Variants in FBXL2 observed in about 807,000 individuals in gnomAD.
The protein encoded by FBXL2 is F-box and leucine rich repeat protein 2.
FBXL2 carries 38 observed loss-of-function variants against 69.2 expected under a neutral mutation model. The observed-to-expected ratio is 0.55, with a 90% CI of 0.42 to 0.72. FBXL2 has a LOEUF of 0.72. Ranked by LOEUF, FBXL2 falls within the 30% of genes least tolerant of loss-of-function variation. FBXL2 has a pLI of 0.00. For synonymous variants in FBXL2, 192 were observed against 201.3 expected, an observed-to-expected ratio of 0.95 and a Z score of 0.39; for missense variants, 354 against 520.3, an observed-to-expected ratio of 0.68 and a Z score of 3.11.
At chr3:33,373,458 C>T in intron 7 of FBXL2, 103 bp downstream of exon 7, 1 of 1,529,290 alleles carries the variant, frequency 6.5e-7, no homozygotes, top group Non-Finnish European at 9.0e-7. Context: ...ATAGGTGACT[C>T]CAAGAGGTCC....
intron 2 of FBXL2, among the ~76,000 whole-genome samples, chr3:33,307,700 A>T (rs2036842882): frequency 6.6e-6 from 1 of 152,010 alleles, no homozygotes; most frequent in South Asian, 2.1e-4. Context: ...AGATATATAT[A>T]TAATATATTA....
chr3:33,413,426 A>T, the FBXL2 span, among the ~76,000 whole-genome samples: 1 of 151,840 alleles, frequency 6.6e-6, no homozygotes, highest in Admixed American at 6.6e-5. Context: ...GGGCGCCTGT[A>T]GTACCAGCTA....
At chr3:33,311,082 C>T (rs2037152306) in intron 2 of FBXL2, among the ~76,000 whole-genome samples, 2 of 152,134 alleles carry the variant, frequency 1.3e-5, no homozygotes, top group Non-Finnish European at 2.9e-5. Context: ...CAGCCAAATT[C>T]TATATTTTGA....
intron 1 of FBXL2, among the ~76,000 whole-genome samples, chr3:33,286,657 A>G (rs1346271968): frequency 6.6e-6 from 1 of 152,220 alleles, no homozygotes; most frequent in Non-Finnish European, 1.5e-5. Context: ...AGAGGCGGGC[A>G]GGCCTCCTTG....
In FBXL2 at chr3:33,283,669, G is replaced by C. The variant is rs552257730; in HGVS notation, c.3+6154G>C. Among the ~76,000 whole-genome samples the C allele has an allele frequency of 7.2e-5, 11 of 152,222 alleles. No individual in the cohort carries two copies. The South Asian group carries it at 2.1e-3, about 29-fold the overall frequency. On this transcript the variant is annotated intron_variant, in intron 1 of 14. Transcript: ENST00000484457. ...TCTGGAAGAATTTGGCTGTGAATCT[G>C]TCTGGTCCTGGACTTTTTTTGGTTG...
At chr3:33,399,582 A>G (rs1426551847) in intron 12 of FBXL2, among the ~76,000 whole-genome samples, 1 of 152,240 alleles carries the variant, frequency 6.6e-6, no homozygotes, top group Non-Finnish European at 1.5e-5. Flanking sequence ...TTGCATTTAT[A>G]TAACATTCTC....
chr3:33,357,691 G>A (rs893534998), intron 2 of FBXL2, among the ~76,000 whole-genome samples: 3 of 151,930 alleles, frequency 2.0e-5, no homozygotes, highest in South Asian at 2.1e-4. Flanking sequence ...CACCTCGCCC[G>A]GCTAATTTTT....
chr3:33,287,314 C>T (rs934147045), intron 1 of FBXL2, among the ~76,000 whole-genome samples: 1 of 152,036 alleles, frequency 6.6e-6, no homozygotes, highest in Non-Finnish European at 1.5e-5. Flanking sequence ...ATTCATCTCC[C>T]TTTTGTCTGT....
At chr3:33,378,609 C>A (rs192775325) in intron 12 of FBXL2, 76 bp from the exon 13 acceptor site, 1 of 1,415,658 alleles carries the variant, frequency 7.1e-7, no homozygotes, top group Non-Finnish European at 9.7e-7. Context: ...TTTTGATTCT[C>A]GTGTTCAGGA....
chr3:33,334,905 A>G (rs1327055109), intron 2 of FBXL2, among the ~76,000 whole-genome samples: 1 of 151,832 alleles, frequency 6.6e-6, no homozygotes, highest in Non-Finnish European at 1.5e-5. Context: ...GCATAGTGAA[A>G]CCCCATCTGT....
At chr3:33,410,563 T>C in the FBXL2 span, among the ~76,000 whole-genome samples, 1 of 152,216 alleles carries the variant, frequency 6.6e-6, no homozygotes, top group Non-Finnish European at 1.5e-5. Flanking sequence ...AAAGCATAGC[T>C]TATGAAGGCT....
intron 10 of FBXL2, among the ~76,000 whole-genome samples, chr3:33,377,038 T>C (rs2042686673): frequency 6.6e-6 from 1 of 151,972 alleles, no homozygotes; most frequent in African/African-American, 2.4e-5. Context: ...AAAAAACAAA[T>C]ATTAGAATAC....
chr3:33,291,403 T>A (rs1039330191), intron 1 of FBXL2, among the ~76,000 whole-genome samples: 6 of 152,054 alleles, frequency 3.9e-5, no homozygotes, highest in African/African-American at 1.4e-4. Flanking sequence ...GAAGTTATAA[T>A]AAAGGAAGTT....
At chr3:33,316,017 C>T (rs1183187009) in intron 2 of FBXL2, among the ~76,000 whole-genome samples, 1 of 151,534 alleles carries the variant, frequency 6.6e-6, no homozygotes, top group African/African-American at 2.4e-5. Flanking sequence ...CAGCCTTTGA[C>T]CTTTACATGG....
Position 33,399,080 on chromosome 3 carries a change from A to T in FBXL2, n.1215-4154A>T, listed in dbSNP as rs540608032. 2.0e-5 allele frequency among the ~76,000 whole-genome samples: 3 copies of T among 152,326 alleles called. No individual in the cohort carries two copies. In the South Asian group the frequency reaches 6.2e-4, roughly 32 times the overall value. On this transcript the variant is annotated intron_variant and non_coding_transcript_variant, in intron 12 of 12. Transcript: ENST00000463736. ...CAAAATCAAGCTTTTCTTCAGGCTG[A>T]GTGTGTGCACACACAAGTTCTGTCC... is the stretch of plus-strand genomic sequence containing the variant.
intron 2 of FBXL2, among the ~76,000 whole-genome samples, chr3:33,351,094 T>G (rs2154037018): frequency 6.6e-6 from 1 of 152,034 alleles, no homozygotes; most frequent in South Asian, 2.1e-4. Context: ...GGTGAAACCC[T>G]ATCTCTACCA....
At chr3:33,282,381 G>T (rs181855476) in intron 1 of FBXL2, among the ~76,000 whole-genome samples, 1 of 151,800 alleles carries the variant, frequency 6.6e-6, no homozygotes, top group Non-Finnish European at 1.5e-5. Flanking sequence ...ATTTCTGAGG[G>T]CTCTGTTCTG....
chr3:33,351,242 G>A (rs2040810118), intron 2 of FBXL2, among the ~76,000 whole-genome samples: 1 of 151,904 alleles, frequency 6.6e-6, no homozygotes, highest in Admixed American at 6.6e-5. Flanking sequence ...TCCAGCCTGG[G>A]TAACAGAGCA....
chr3:33,285,075 G>T (rs1437192156), intron 1 of FBXL2, among the ~76,000 whole-genome samples: 2 of 152,090 alleles, frequency 1.3e-5, no homozygotes, highest in African/African-American at 4.8e-5. Context: ...GAATTTGATT[G>T]TGTCATTATG....
Sources: allele counts gnomAD v4.1 joint callset (sites outside exome capture counted in the v4.1 genomes callset), GRCh38; gene constraint gnomAD v4.1.1; transcripts MANE v1.5; gene names NCBI Gene and HGNC (gene_info 2026-07-23, HGNC 2026-07-21).